Variants in PRKN observed in about 807,000 individuals in gnomAD.
PRKN encodes E3 ubiquitin-protein ligase parkin.
Under a neutral mutation model 59.5 loss-of-function variants are expected in PRKN, and 56 were observed. The observed-to-expected ratio is 0.94, with a 90% confidence interval of 0.76 to 1.18. PRKN has a LOEUF of 1.18. Among genes scored for constraint, PRKN ranks in the 50% most tolerant of loss-of-function variants. PRKN has a pLI of 0.00. For synonymous variants in PRKN, 250 were observed against 222.1 expected, an observed-to-expected ratio of 1.13 and a Z score of -1.12; for missense variants, 657 against 596.4, an observed-to-expected ratio of 1.10 and a Z score of -1.06.
chr6:161,654,340 T>C (rs1379074351), intron 7 of PRKN, among the ~76,000 whole-genome samples: 1 of 152,168 alleles, frequency 6.6e-6, no homozygotes, highest in Non-Finnish European at 1.5e-5. Flanking sequence ...TATCAAATCA[T>C]GTACCCCGGA....
intron 7 of PRKN, among the ~76,000 whole-genome samples, chr6:161,590,538 G>A (rs530150993): frequency 2.6e-5 from 4 of 152,204 alleles, no homozygotes; most frequent in East Asian, 3.9e-4. Context: ...TTCATGACCA[G>A]TCTGGCCAAC....
At chr6:162,204,753 G>A (rs1011857974) in intron 3 of PRKN, among the ~76,000 whole-genome samples, 1 of 149,550 alleles carries the variant, frequency 6.7e-6, no homozygotes, top group African/African-American at 2.5e-5. Context: ...AAAGAAAAGT[G>A]TACTGAGTTC....
intron 5 of PRKN, 26 bp from the exon 6 acceptor site, chr6:161,973,443 A>G (rs770718178): frequency 2.4e-6 from 3 of 1,262,146 alleles, no homozygotes; most frequent in Middle Eastern, 1.8e-4. Flanking sequence ...ATATGATCAC[A>G]CACATGGATC....
chr6:162,642,799 G>A (rs1395248178), intron 1 of PRKN, among the ~76,000 whole-genome samples: 1 of 151,624 alleles, frequency 6.6e-6, no homozygotes, highest in Non-Finnish European at 1.5e-5. Context: ...GTCTTAAATT[G>A]TTTCTTTTTT....
chr6:162,513,496 G>GA (rs1197719819), intron 1 of PRKN, among the ~76,000 whole-genome samples: 1 of 109,166 alleles, frequency 9.2e-6, no homozygotes, highest in Admixed American at 9.4e-5. Context: ...AGAAAAGAGG[G>GA]AAAGAAAGAG....
intron 2 of PRKN, among the ~76,000 whole-genome samples, chr6:162,347,345 T>G (rs59107748): frequency 0.21 from 32,085 of 151,444 alleles, 4,694 homozygotes; most frequent in East Asian, 0.46. Flanking sequence ...AATTTTTTTT[T>G]TATTTTGTAT....
chr6:162,209,291 G>C (rs1302972593), intron 3 of PRKN, among the ~76,000 whole-genome samples: 1 of 152,158 alleles, frequency 6.6e-6, no homozygotes, highest in Non-Finnish European at 1.5e-5. Flanking sequence ...CAAAGGATAT[G>C]AACAGACACT....
chr6:161,930,367 T>C (rs550411507), intron 6 of PRKN, among the ~76,000 whole-genome samples: 2 of 152,144 alleles, frequency 1.3e-5, no homozygotes, highest in African/African-American at 4.8e-5. Flanking sequence ...ACATTAGGAG[T>C]GATGTATGAT....
intron 6 of PRKN, among the ~76,000 whole-genome samples, chr6:161,880,769 G>A (rs1450426139): frequency 1.3e-5 from 2 of 152,162 alleles, no homozygotes; most frequent in Non-Finnish European, 2.9e-5. Context: ...TTCCATTGAA[G>A]AGTCGGTGGT....
intron 7 of PRKN, among the ~76,000 whole-genome samples, chr6:161,752,687 C>T (rs549407439): frequency 3.9e-5 from 6 of 152,202 alleles, no homozygotes; most frequent in African/African-American, 7.2e-5. Context: ...AGCAAGACCC[C>T]GTCTCAAACA....
intron 6 of PRKN, among the ~76,000 whole-genome samples, chr6:161,849,936 T>C (rs150327329): frequency 3.3e-5 from 5 of 152,288 alleles, no homozygotes; most frequent in African/African-American, 1.2e-4. Context: ...AAGAATCATA[T>C]GTGCGTCAGC....
rs561594213 is a variant in PRKN at position 161,462,008 on chromosome 6, G to A, written c.1084-75131C>T. Among the ~76,000 whole-genome samples, 5 of 152,262 alleles carry A rather than the reference G, an allele frequency of 3.3e-5. No homozygotes were observed. The East Asian group carries it at 9.7e-4, about 29-fold the overall frequency. Reference sequence around the variant, plus strand: ...GCTTGCAATGTGGGCTGTGAAGGATGGCAATGGTGGGGGAAGATGGCTGGA... The same window carrying A: ...GCTTGCAATGTGGGCTGTGAAGGATAGCAATGGTGGGGGAAGATGGCTGGA... On this transcript the variant is annotated intron_variant, in intron 9 of 11. Coordinates refer to ENST00000366898, the MANE Select transcript of PRKN (RefSeq NM_004562.3). The surrounding 1 kb of genome is among the most constrained non-coding windows in gnomAD (Gnocchi z 4.5).
chr6:162,107,240 G>A (rs1237150592), intron 4 of PRKN, among the ~76,000 whole-genome samples: 2 of 152,152 alleles, frequency 1.3e-5, no homozygotes, highest in African/African-American at 2.4e-5. Context: ...CAAAGGGGGC[G>A]CATCACTTGA....
rs1249001095 is a variant in PRKN, at chr6:161,552,572, AT to A, written c.934-3570del. Among the ~76,000 whole-genome samples, 1 of 151,706 alleles carries A rather than the reference AT, an allele frequency of 6.6e-6. No homozygotes were observed. The highest frequency in any genetic ancestry group is 2.4e-5 in the African/African-American group (1 of 41,230). On this transcript the variant is annotated intron_variant, in intron 8 of 11. Transcript: ENST00000366898. The surrounding 1 kb of genome is among the most constrained non-coding windows in gnomAD (Gnocchi z 4.9). Reference sequence around the variant, plus strand: ...TCTTGACCTGTCCAAATCCTTCCACATTGAAAAAAAACAAAAACAAAAAACA... The same window carrying A: ...TCTTGACCTGTCCAAATCCTTCCACATGAAAAAAAACAAAAACAAAAAACA...
At chr6:162,036,449 G>A (rs1783853105) in intron 5 of PRKN, among the ~76,000 whole-genome samples, 1 of 151,650 alleles carries the variant, frequency 6.6e-6, no homozygotes, top group Admixed American at 6.6e-5. Flanking sequence ...GCAGGATCTC[G>A]GCTCACTGCA....
At chr6:161,928,561 G>A (rs1461685220) in intron 6 of PRKN, among the ~76,000 whole-genome samples, 1 of 152,210 alleles carries the variant, frequency 6.6e-6, no homozygotes, top group East Asian at 1.9e-4. Context: ...GTATGGACTA[G>A]GGTGGGAGGT....
intron 3 of PRKN, among the ~76,000 whole-genome samples, chr6:162,233,214 T>C (rs537430009): frequency 2.0e-5 from 3 of 152,166 alleles, no homozygotes; most frequent in South Asian, 4.1e-4. Flanking sequence ...CCAATATCTA[T>C]ATGTAAAGGT....
intron 7 of PRKN, among the ~76,000 whole-genome samples, chr6:161,713,945 T>A (rs1214274515): frequency 6.6e-6 from 1 of 152,166 alleles, no homozygotes; most frequent in Non-Finnish European, 1.5e-5. Context: ...CTCTTGCCTG[T>A]CACCATGAAA....
chr6:162,474,031 G>GAATGTAATTAGAAT (rs2128179464), intron 1 of PRKN, among the ~76,000 whole-genome samples: 1 of 152,246 alleles, frequency 6.6e-6, no homozygotes, highest in South Asian at 2.1e-4. Flanking sequence ...TGTAATTAAA[G>GAATGTAATTAGAAT]GTAATGTGGG....
Sources: gnomAD v4.1 joint callset for allele counts (sites outside exome capture counted in the v4.1 genomes callset) on GRCh38, gnomAD v4.1.1 for gene constraint, Gnocchi (gnomAD v3.1) non-coding constraint, MANE v1.5 for transcripts, NCBI Gene and HGNC (gene_info 2026-07-23, HGNC 2026-07-21) for gene names.